The following DNMT3B variants were observed in gnomAD, a reference collection of about 807,000 sequenced individuals.
DNMT3B encodes the protein DNA (cytosine-5)-methyltransferase 3B.
In DNMT3B, 37 loss-of-function variants were observed where a neutral mutation model predicts 120.2. The observed-to-expected ratio is 0.31, with a 90% CI of 0.24 to 0.40. The LOEUF is 0.40. Ranked by LOEUF, DNMT3B falls within the 10% of genes least tolerant of loss-of-function variation. DNMT3B has a pLI of 1.00. For synonymous variants in DNMT3B, 412 were observed against 442.8 expected (o/e 0.93, Z 0.87); for missense variants, 878 against 1,137.3 (o/e 0.77, Z 3.28).
Position 32,775,382 on chromosome 20 carries a change from A to G in DNMT3B, c.-6-4936A>G, listed in dbSNP as rs528895049. On this transcript the variant is annotated intron_variant, in intron 1 of 22. Transcript: ENST00000328111. ...AGCTCTGCTGCTGGTATCAGCCTGG[A>G]GGAAGTGAGTGACATCAGTTCTCAG... is the stretch of plus-strand genomic sequence containing the variant. Among the ~76,000 whole-genome samples the G allele has an allele frequency of 1.1e-4, 16 of 152,300 alleles. No individual in the cohort carries two copies. The East Asian group carries it at 2.7e-3, about 26-fold the overall frequency.
In DNMT3B at chr20:32,797,203, T is replaced by A; in HGVS notation, c.1394T>A (p.Leu465Gln). Residue 465 changes from leucine to glutamine, a missense_variant, in exon 14 of 23, where the codon CTG becomes CAG. Leu to Gln is a moderately radical substitution (Grantham distance 113). Transcript: ENST00000328111. The part of the protein sequence containing the change: ...CQTCRDRFLE[L>Q]FYMYDDDGYQ... Reference sequence around the variant, plus strand: ...GGCTGCCAGGATCGCTTCCTTGAGCTGTTTTACATGTATGATGACGATGGC... The same window carrying A: ...GGCTGCCAGGATCGCTTCCTTGAGCAGTTTTACATGTATGATGACGATGGC... 1 of 1,614,078 alleles carries A rather than the reference T, an allele frequency of 6.2e-7. No individual in the cohort carries two copies. The highest frequency in any genetic ancestry group is 8.5e-7 in the Non-Finnish European group (1 of 1,180,056).
chr20:32,773,183 T>C (rs1002092392), intron 1 of DNMT3B, among the ~76,000 whole-genome samples: 8 of 151,338 alleles, frequency 5.3e-5, no homozygotes, highest in Non-Finnish European at 1.2e-4. Context: ...AGTGGCTCAC[T>C]GCGACGTCCA....
chr20:32,802,519 G>A (rs1327361156), intron 20 of DNMT3B, 49 bp downstream of exon 20: 2 of 1,559,658 alleles, frequency 1.3e-6, no homozygotes, highest in African/African-American at 2.7e-5. Context: ...TTAAATATGT[G>A]ATAACAAGCT....
chr20:32,807,700 T>G, intron 22 of DNMT3B, 62 bp from the exon 23 acceptor site: 3 of 1,609,630 alleles, frequency 1.9e-6, no homozygotes, highest in Non-Finnish European at 2.5e-6. Flanking sequence ...CCTGGCTGGT[T>G]GAGGCTGTCA....
At chr20:32,764,368 A>T (rs1987170742) in intron 1 of DNMT3B, among the ~76,000 whole-genome samples, 1 of 152,190 alleles carries the variant, frequency 6.6e-6, no homozygotes, top group Admixed American at 6.6e-5. Flanking sequence ...AGGCAGTGGG[A>T]TAGTGCCTGT....
intron 4 of DNMT3B, 147 bp from the exon 5 acceptor site, chr20:32,786,355 T>A (rs1186679584): frequency 2.6e-6 from 3 of 1,149,544 alleles, no homozygotes; most frequent in Non-Finnish European, 3.8e-6. Flanking sequence ...CAGTCCAGAG[T>A]CCCACCTCAT....
chr20:32,780,037 C>T (rs1309221463), intron 1 of DNMT3B: 1 of 1,569,242 alleles, frequency 6.4e-7, no homozygotes, highest in Non-Finnish European at 8.7e-7. Context: ...ACAGAGCAGT[C>T]TGAGCCTGAG....
chr20:32,783,862 C>T (rs863832), intron 3 of DNMT3B, among the ~76,000 whole-genome samples: 46 of 151,450 alleles, frequency 3.0e-4, no homozygotes, highest in African/African-American at 1.1e-3. Context: ...AGTAGCTGGG[C>T]TTACAGGCGT....
intron 1 of DNMT3B, among the ~76,000 whole-genome samples, chr20:32,770,365 C>T (rs995292630): frequency 6.6e-6 from 1 of 151,982 alleles, no homozygotes; most frequent in Admixed American, 6.6e-5. Context: ...CTCAGCTCAC[C>T]GCAACCTCTG....
At chr20:32,804,951 A>G (rs1981801193) in intron 20 of DNMT3B, among the ~76,000 whole-genome samples, 1 of 152,192 alleles carries the variant, frequency 6.6e-6, no homozygotes, top group Non-Finnish European at 1.5e-5. Flanking sequence ...TAGACCCACA[A>G]AAATCTATTC....
rs576798456 is a variant in DNMT3B, at chr20:32,800,248, G to A, written c.1855G>A (p.Glu619Lys). The change falls in exon 17 of 23, where the codon GAG (glutamate) becomes AAG (lysine). Residue 619 changes from glutamate to lysine, a missense_variant. Transcript: ENST00000328111. The part of the protein sequence containing the change: ...ESIAVGTVKH[E>K]GNIKYVNDVR... ...CATTGCTGTTGGAACCGTGAAGCAC[G>A]AGGGGAATATCAAATACGTGAACGA... is the stretch of plus-strand genomic sequence containing the variant. 9 of 1,614,198 alleles carry A rather than the reference G, an allele frequency of 5.6e-6. No homozygotes were observed. Among genetic ancestry groups the A allele is most frequent in the East Asian group, 2.2e-5 (1 of 44,888 alleles).
chr20:32,796,730 C>G, intron 12 of DNMT3B, 60 bp from the exon 13 acceptor site: 1 of 1,576,698 alleles, frequency 6.3e-7, no homozygotes, highest in Non-Finnish European at 8.7e-7. Flanking sequence ...AGACCCCAGG[C>G]TTTAGCAGCT....
At chr20:32,805,538 TC>T in intron 21 of DNMT3B, 131 bp downstream of exon 21, 1 of 968,974 alleles carries the variant, frequency 1.0e-6, no homozygotes, top group Non-Finnish European at 1.6e-6. Flanking sequence ...GGCTTCCCTC[TC>T]CCACATGATT....
At chr20:32,799,445 C>T in intron 16 of DNMT3B, 117 bp downstream of exon 16, 1 of 1,184,796 alleles carries the variant, frequency 8.4e-7, no homozygotes, top group Non-Finnish European at 1.2e-6. Flanking sequence ...CTGGGGATTA[C>T]CAGCCCTGAA....
intron 1 of DNMT3B, among the ~76,000 whole-genome samples, chr20:32,763,410 G>A (rs1419470643): frequency 4.6e-5 from 7 of 152,200 alleles, no homozygotes; most frequent in Non-Finnish European, 8.8e-5. Flanking sequence ...CACCTGGCCC[G>A]GGAGGAGCCG....
chr20:32,795,418 C>T lies in DNMT3B; in HGVS notation c.1136C>T (p.Thr379Ile), dbSNP rs1361035589. ...KLESRKYENK[T>I]RRRTADDSAT... is the part of the protein sequence containing the mutation. ...TAATTACCTTTCACAGAGAACAAGACTCGAAGACGCACAGCTGACGACTCA... is the reference window on the plus strand; with the variant it reads ...TAATTACCTTTCACAGAGAACAAGATTCGAAGACGCACAGCTGACGACTCA... The change falls in exon 11 of 23, where the codon ACT becomes ATT. Residue 379 changes from threonine to isoleucine, a missense_variant. Physicochemically the swap from Thr to Ile is moderately conservative, Grantham distance 89. This residue lies in a region of DNMT3B where 207 missense variants were observed against 222.6 expected (regional missense o/e 0.93). Coordinates refer to ENST00000328111, the MANE Select transcript of DNMT3B (RefSeq NM_006892.4). The T allele has an allele frequency of 1.9e-6, 3 of 1,613,942 alleles. No homozygotes were observed. Among genetic ancestry groups the T allele is most frequent in the East Asian group, 2.2e-5 (1 of 44,888 alleles).
In DNMT3B at chr20:32,802,459, C is replaced by T. The variant is rs745978104; in HGVS notation, c.2220C>T (p.Pro740=). 8 of 1,614,188 alleles carry T rather than the reference C, an allele frequency of 5.0e-6. No homozygotes were observed. The highest frequency in any genetic ancestry group is 2.2e-5 in the East Asian group (1 of 44,882). The change falls in exon 20 of 23, where the codon CCC becomes CCT. Residue 740 remains proline, a synonymous_variant. Coordinates refer to ENST00000328111, the MANE Select transcript of DNMT3B (RefSeq NM_006892.4). The part of the protein sequence containing the change: ...HRARYFWGNL[P]GMNRPVIASK... ...CCCGATACTTCTGGGGCAACCTACC[C>T]GGGATGAACAGGTAACAAAGGGCTC...
At chr20:32,771,635 C>CA (rs10625883) in intron 1 of DNMT3B, among the ~76,000 whole-genome samples, 5,526 of 87,840 alleles carry the variant, frequency 0.063, 692 homozygotes, top group African/African-American at 0.2. Flanking sequence ...GACCGCATCT[C>CA]AAAAAAAAAA....
intron 5 of DNMT3B, 42 bp from the exon 6 acceptor site, chr20:32,787,188 A>T (rs773526389): frequency 1.9e-6 from 3 of 1,613,472 alleles, no homozygotes; most frequent in African/African-American, 1.3e-5. Context: ...GGTCACCGAC[A>T]TCCTTTGCTC....
Sources: allele counts gnomAD v4.1 joint callset (sites outside exome capture counted in the v4.1 genomes callset), GRCh38; gene constraint gnomAD v4.1.1; regional missense constraint gnomAD v4.1.1; transcripts MANE v1.5; gene names NCBI Gene and HGNC (gene_info 2026-07-23, HGNC 2026-07-21).